The following UBE2V1 variants were observed in gnomAD, a reference collection of about 807,000 sequenced individuals.
The protein encoded by UBE2V1 is ubiquitin-conjugating enzyme E2 variant 1.
In UBE2V1, 15 loss-of-function variants were observed where a neutral mutation model predicts 19.6. The ratio of observed to expected loss-of-function variants is 0.77; its 90% confidence interval spans 0.51 to 1.18. The LOEUF (loss-of-function observed/expected upper bound fraction) is 1.18. Ranked by LOEUF, UBE2V1 falls within the 50% of genes most tolerant of loss-of-function variation. The pLI is 0.00. For synonymous variants in UBE2V1, 60 were observed against 60.7 expected, an observed-to-expected ratio of 0.99 and a Z score of 0.05; for missense variants, 125 against 184.8, an observed-to-expected ratio of 0.68 and a Z score of 1.88.
rs2080577233 is a variant in UBE2V1 at position 50,109,124 on chromosome 20, A to G, written c.22+3983T>C. 4.1e-6 allele frequency: 4 copies of G among 985,436 alleles called. No individual in the cohort carries two copies. In the South Asian group the frequency reaches 1.9e-4, roughly 46 times the overall value. The allele number at this position is 985,436 out of a possible 1,614,324, so 61.0% of individuals were successfully genotyped here. A position where few individuals can be genotyped will look rare whatever the true frequency, so the allele number is the denominator to read the frequency against. On this transcript the variant is annotated intron_variant, in intron 1 of 3. Coordinates refer to ENST00000371674, the MANE Select transcript of UBE2V1 (RefSeq NM_001032288.3). ...GCTGGTGACCAGGCTGTGGAGAGTT[A>G]GATGAGACAACATCACAGGTAAGTC...
chr20:50,094,519 T>A (rs2079509351), intron 2 of UBE2V1, among the ~76,000 whole-genome samples: 1 of 151,982 alleles, frequency 6.6e-6, no homozygotes, highest in African/African-American at 2.4e-5. Flanking sequence ...ATGGCGTATC[T>A]GTACAATGGA....
intron 2 of UBE2V1, among the ~76,000 whole-genome samples, chr20:50,092,736 C>G (rs1022835852): frequency 6.6e-6 from 1 of 152,196 alleles, no homozygotes; most frequent in Non-Finnish European, 1.5e-5. Flanking sequence ...GGAGGATTTG[C>G]TTTTCTTTAA....
intron 1 of UBE2V1, among the ~76,000 whole-genome samples, chr20:50,101,696 C>T (rs1014736673): frequency 6.6e-6 from 1 of 151,704 alleles, no homozygotes; most frequent in East Asian, 1.9e-4. Flanking sequence ...CATATAGGCA[C>T]ACACACCTTC....
At chr20:50,111,145 C>T (rs989734178) in intron 1 of UBE2V1, 1 of 630,648 alleles carries the variant, frequency 1.6e-6, no homozygotes, top group Non-Finnish European at 2.0e-6. Context: ...GTTGAATAAA[C>T]AGACAAAAGA....
At chr20:50,106,017 TA>T (rs2080333336) in intron 1 of UBE2V1, among the ~76,000 whole-genome samples, 1 of 152,068 alleles carries the variant, frequency 6.6e-6, no homozygotes, top group South Asian at 2.1e-4. Context: ...ACAGGCTCTA[TA>T]ATAGCTAGGA....
At chr20:50,086,460 A>T (rs900016143) in intron 2 of UBE2V1, among the ~76,000 whole-genome samples, 1 of 142,200 alleles carries the variant, frequency 7.0e-6, no homozygotes, top group Non-Finnish European at 1.6e-5. Flanking sequence ...TTCCTCAAAG[A>T]AAAAAAAAAC....
At chr20:50,092,545 T>C (rs1418975289) in intron 2 of UBE2V1, among the ~76,000 whole-genome samples, 4 of 152,134 alleles carry the variant, frequency 2.6e-5, no homozygotes, top group African/African-American at 9.7e-5. Context: ...AGCACTCTCA[T>C]GACAAAGAAA....
At chr20:50,086,770 A>G (rs1032653362) in intron 2 of UBE2V1, among the ~76,000 whole-genome samples, 4 of 152,270 alleles carry the variant, frequency 2.6e-5, no homozygotes, top group Admixed American at 2.6e-4. Flanking sequence ...ACACACCTGA[A>G]GGGTCATTTA....
chr20:50,107,774 G>C (rs913013174), intron 1 of UBE2V1, among the ~76,000 whole-genome samples: 6 of 152,134 alleles, frequency 3.9e-5, no homozygotes, highest in Non-Finnish European at 1.5e-5. Context: ...CTGGTGCTAG[G>C]GACACAACAG....
At chr20:50,083,970 CA>C in intron 3 of UBE2V1, 158 bp downstream of exon 3, 1 of 1,159,428 alleles carries the variant, frequency 8.6e-7, no homozygotes, top group East Asian at 2.7e-5. Flanking sequence ...AATTGGGAAA[CA>C]GGCCCCATCC....
At chr20:50,084,719 G>C (rs1178399876) in intron 2 of UBE2V1, 2 of 371,978 alleles carry the variant, frequency 5.4e-6, no homozygotes, top group African/African-American at 4.2e-5. Flanking sequence ...CGAGGGAGGG[G>C]TGCAGACTCA....
At chr20:50,106,874 C>CAACAAA (rs530425666) in intron 1 of UBE2V1, among the ~76,000 whole-genome samples, 224 of 124,678 alleles carry the variant, frequency 1.8e-3, no homozygotes, top group African/African-American at 6.7e-3. Context: ...ACAACAACAA[C>CAACAAA]AAAAAAAAAA....
chr20:50,082,949 G>T (rs1415499499), intron 3 of UBE2V1, 35 bp from the exon 4 acceptor site: 1 of 1,597,176 alleles, frequency 6.3e-7, no homozygotes, highest in Admixed American at 1.7e-5. Context: ...ATTACTCTCA[G>T]ACTCTCAAAC....
chr20:50,113,114 C>T lies in UBE2V1; in HGVS notation c.15G>A (p.Thr5=), dbSNP rs752098899. 3.7e-6 allele frequency: 5 copies of T among 1,358,664 alleles called. No homozygotes were observed. In the African/African-American group the frequency reaches 6.0e-5, roughly 16 times the overall value. 84.2% of individuals were successfully genotyped at this position (1,358,664 alleles called of 1,614,324 possible). MAAT[T]GSGVKVPRNF... The stretch of plus-strand genomic sequence containing the variant: ...CCCGGCGCCCCCGCTCACCCGAGCC[C>T]GTGGTGGCTGCCATCTTGCGTCGCT... Residue 5 remains threonine, a synonymous_variant, in exon 1 of 4, where the codon ACG becomes ACA. Transcript: ENST00000371674.
chr20:50,088,777 C>A (rs2079062291), intron 2 of UBE2V1, among the ~76,000 whole-genome samples: 1 of 124,424 alleles, frequency 8.0e-6, no homozygotes, highest in South Asian at 2.5e-4. Flanking sequence ...CAGAATGAGA[C>A]CCTATCTCAA....
intron 2 of UBE2V1, among the ~76,000 whole-genome samples, chr20:50,095,570 G>A (rs980758896): frequency 2.6e-5 from 4 of 152,218 alleles, no homozygotes; most frequent in Admixed American, 6.5e-5. Context: ...AACACTTAAC[G>A]AACATGTCAC....
chr20:50,113,164 T>C (rs1256732873), upstream of UBE2V1: 1 of 1,300,794 alleles, frequency 7.7e-7, no homozygotes, highest in East Asian at 3.1e-5. Flanking sequence ...GGCCCCTTCT[T>C]CACCCCCCCC....
chr20:50,109,690 A>G (rs1389074735), intron 1 of UBE2V1, among the ~76,000 whole-genome samples: 1 of 149,960 alleles, frequency 6.7e-6, no homozygotes, highest in Non-Finnish European at 1.5e-5. Context: ...CAGAGGTTAC[A>G]GTGAGCCAAG....
chr20:50,099,350 C>A (rs754357056), intron 1 of UBE2V1, among the ~76,000 whole-genome samples: 8 of 152,128 alleles, frequency 5.3e-5, no homozygotes, highest in Non-Finnish European at 7.4e-5. Flanking sequence ...TAAGCCCCAC[C>A]CAGTCTATGG....
Sources: gnomAD v4.1 joint callset for allele counts (sites outside exome capture counted in the v4.1 genomes callset) on GRCh38, gnomAD v4.1.1 for gene constraint, MANE v1.5 for transcripts, NCBI Gene and HGNC (gene_info 2026-07-23, HGNC 2026-07-21) for gene names.